The following KSR2 variants were observed in gnomAD, a reference collection of about 807,000 sequenced individuals.
KSR2 encodes the protein kinase suppressor of ras 2.
In KSR2, 25 loss-of-function variants were observed where a neutral mutation model predicts 107.8. The observed-to-expected ratio is 0.23, with a 90% CI of 0.17 to 0.32. The LOEUF (loss-of-function observed/expected upper bound fraction) is 0.32, where lower values mean the gene tolerates loss of function less well. Among genes scored for constraint, KSR2 ranks in the 10% least tolerant of loss-of-function variants. KSR2 has a pLI of 1.00. For synonymous variants in KSR2, 480 were observed against 507.0 expected, an observed-to-expected ratio of 0.95 and a Z score of 0.71; for missense variants, 887 against 1,268.9, an observed-to-expected ratio of 0.70 and a Z score of 4.57.
At chr12:117,950,014 C>T (rs1286866275) in intron 1 of KSR2, among the ~76,000 whole-genome samples, 1 of 151,664 alleles carries the variant, frequency 6.6e-6, no homozygotes, top group Non-Finnish European at 1.5e-5. Context: ...CACTCTGTCT[C>T]CCAGGCTGGA....
intron 1 of KSR2, among the ~76,000 whole-genome samples, chr12:117,962,942 T>C (rs1000413524): frequency 1.4e-5 from 2 of 147,620 alleles, no homozygotes; most frequent in Admixed American, 6.8e-5. Flanking sequence ...CCCAGCACTT[T>C]GGGAGGCTGA....
intron 4 of KSR2, among the ~76,000 whole-genome samples, chr12:117,728,896 G>A (rs1288087883): frequency 6.6e-6 from 1 of 152,196 alleles, no homozygotes; most frequent in Admixed American, 6.5e-5. Flanking sequence ...TTCAAGTGCT[G>A]AGACTTGCTT....
In KSR2 at chr12:117,968,891, C is replaced by CGCT. The variant is rs761063521; in HGVS notation, c.-639_-637dup. 97 of 247,528 alleles carry CGCT rather than the reference C, an allele frequency of 3.9e-4. 3 individuals carry two copies. The highest frequency in any genetic ancestry group is 1.1e-3 in the South Asian group (30 of 26,166). 15.3% of individuals were successfully genotyped at this position (247,528 alleles called of 1,614,324 possible). A position where few individuals can be genotyped will look rare whatever the true frequency, so the allele number is the denominator to read the frequency against. On this transcript the variant is annotated 5_prime_UTR_variant, in exon 1 of 20. Transcript: ENST00000339824. Reference sequence around the variant, plus strand: ...GCGGCTGGCTGCTGTCTCCTCCCCGCGCTGCTGCTGCTGCTGCTGCTGCCG... The same window carrying CGCT: ...GCGGCTGGCTGCTGTCTCCTCCCCGCGCTGCTGCTGCTGCTGCTGCTGCTGCCG...
At chr12:117,591,473 T>C (rs1880312414) in intron 5 of KSR2, among the ~76,000 whole-genome samples, 1 of 151,868 alleles carries the variant, frequency 6.6e-6, no homozygotes, top group Non-Finnish European at 1.5e-5. Context: ...GCAGTGGTGG[T>C]GGTGACGGAT....
intron 7 of KSR2, among the ~76,000 whole-genome samples, chr12:117,561,271 C>T (rs1188570003): frequency 2.6e-5 from 4 of 152,100 alleles, no homozygotes; most frequent in Non-Finnish European, 4.4e-5. Context: ...GCTCTTGGCA[C>T]CAGAAAGTCT....
rs974402556 is a variant in KSR2 at position 117,907,268 on chromosome 12, T to G, written c.181-46837A>C. ...GTCTAGATGAGCCATTACACCAAAC[T>G]GCCTTCGTTCTGGATGGGGGCGTCC... On this transcript the variant is annotated intron_variant, in intron 1 of 19. Coordinates refer to ENST00000339824, the MANE Select transcript of KSR2 (RefSeq NM_173598.6). This position sits in a 1 kb window ranked among gnomAD's most constrained non-coding sequence, Gnocchi z 4.3. 6.6e-6 allele frequency among the ~76,000 whole-genome samples: 1 copy of G among 152,188 alleles called. No individual in the cohort carries two copies.
Position 117,860,864 on chromosome 12 carries a change from G to A in KSR2, c.181-433C>T, listed in dbSNP as rs1030158599. ...CTCCCAAGTATCTGGGATTACAGGCGCGCGCCACCATGCCTGGCTAATTTT... is the reference window on the plus strand; with the variant it reads ...CTCCCAAGTATCTGGGATTACAGGCACGCGCCACCATGCCTGGCTAATTTT... On this transcript the variant is annotated intron_variant, in intron 1 of 19. Transcript: ENST00000339824. Among the ~76,000 whole-genome samples the A allele has an allele frequency of 3.9e-5, 6 of 152,024 alleles. No homozygotes were observed. The East Asian group carries it at 5.8e-4, about 15-fold the overall frequency.
chr12:117,707,967 A>G (rs931109167), intron 4 of KSR2, among the ~76,000 whole-genome samples: 1 of 152,238 alleles, frequency 6.6e-6, no homozygotes, highest in Non-Finnish European at 1.5e-5. Flanking sequence ...GGAGTCCCCC[A>G]TGCAAATTAT....
chr12:117,577,559 A>G (rs1458092475), intron 7 of KSR2, among the ~76,000 whole-genome samples: 1 of 152,180 alleles, frequency 6.6e-6, no homozygotes, highest in Non-Finnish European at 1.5e-5. Flanking sequence ...AGGGTGATTT[A>G]TAAAGAAAAA....
chr12:117,498,853 G>T (rs1873199791), intron 14 of KSR2, among the ~76,000 whole-genome samples: 1 of 152,206 alleles, frequency 6.6e-6, no homozygotes, highest in African/African-American at 2.4e-5. Context: ...TGCCATGATT[G>T]TGAGGCCTCC....
At chr12:117,828,476 G>A (rs1891836983) in intron 3 of KSR2, among the ~76,000 whole-genome samples, 1 of 152,178 alleles carries the variant, frequency 6.6e-6, no homozygotes, top group Non-Finnish European at 1.5e-5. Flanking sequence ...TGTATATCAA[G>A]TATTTGCTTT....
At chr12:117,688,260 A>G (rs1885663168) in intron 4 of KSR2, among the ~76,000 whole-genome samples, 1 of 152,158 alleles carries the variant, frequency 6.6e-6, no homozygotes, top group Non-Finnish European at 1.5e-5. Flanking sequence ...GGTGCCTGCA[A>G]TCCCAGCTAC....
chr12:117,898,313 C>T (rs964431156), intron 1 of KSR2, among the ~76,000 whole-genome samples: 2 of 151,590 alleles, frequency 1.3e-5, no homozygotes, highest in Admixed American at 1.3e-4. Flanking sequence ...TTTTATGTGG[C>T]TGTTTGTCTC....
intron 4 of KSR2, among the ~76,000 whole-genome samples, chr12:117,710,327 A>G (rs1397886166): frequency 1.3e-5 from 2 of 152,202 alleles, no homozygotes; most frequent in Non-Finnish European, 2.9e-5. Flanking sequence ...TTATTTAACA[A>G]GGAAATGGGA....
chr12:117,601,641 C>CGG (rs1880964305), intron 5 of KSR2, among the ~76,000 whole-genome samples: 1 of 152,050 alleles, frequency 6.6e-6, no homozygotes, highest in African/African-American at 2.4e-5. Flanking sequence ...GGACCCCCCC[C>CGG]TAGAGCCTTC....
Position 117,471,236 on chromosome 12 carries a change from G to T in KSR2, c.2667C>A (p.Gly889=), listed in dbSNP as rs755324285. The change falls in exon 18 of 20, where the codon GGC becomes GGA. Residue 889 remains glycine, a synonymous_variant. Transcript: ENST00000339824. ...AEAIIWQMGT[G]MKPNLSQIGM... The stretch of plus-strand genomic sequence containing the variant: ...CAATCTGGCTGAGGTTGGGTTTCAT[G>T]CCTGTGCCCATTTGCCAGATTATTG... 5 of 1,613,862 alleles carry T rather than the reference G, an allele frequency of 3.1e-6. No individual in the cohort carries two copies. Among genetic ancestry groups the T allele is most frequent in the Non-Finnish European group, 4.2e-6 (5 of 1,179,840 alleles).
At chr12:117,542,468 T>C (rs776534152) in intron 9 of KSR2, among the ~76,000 whole-genome samples, 14 of 152,150 alleles carry the variant, frequency 9.2e-5, no homozygotes, top group Admixed American at 2.6e-4. Context: ...TCTAGTACAA[T>C]ATCACAGCCC....
At chr12:117,884,460 T>C (rs577845721) in intron 1 of KSR2, among the ~76,000 whole-genome samples, 98 of 152,290 alleles carry the variant, frequency 6.4e-4, no homozygotes, top group African/African-American at 2.2e-3. Context: ...CTGAACACAG[T>C]CTTCTGAAAG....
rs1412294941 is a variant in KSR2, at chr12:117,525,751, A to T, written c.1852-532T>A. ...GTGCATCTGCATGTAACACATGACA[A>T]CTGCCAACATGGAGTATCTTTTGCT... On this transcript the variant is annotated intron_variant, in intron 13 of 19. Coordinates refer to ENST00000339824, the MANE Select transcript of KSR2 (RefSeq NM_173598.6). 3.3e-5 allele frequency among the ~76,000 whole-genome samples: 5 copies of T among 152,350 alleles called. No homozygotes were observed. The East Asian group carries it at 5.8e-4, about 18-fold the overall frequency.
Sources: gnomAD v4.1 joint callset for allele counts (sites outside exome capture counted in the v4.1 genomes callset) on GRCh38, gnomAD v4.1.1 for gene constraint, Gnocchi (gnomAD v3.1) non-coding constraint, MANE v1.5 for transcripts, NCBI Gene and HGNC (gene_info 2026-07-23, HGNC 2026-07-21) for gene names.